Variants in DTWD2 observed in about 807,000 individuals in gnomAD.
DTWD2 encodes the protein DTW motif tRNA-uridine aminocarboxypropyltransferase 2.
In DTWD2, 39 loss-of-function variants were observed where a neutral mutation model predicts 31.8. That is an observed-to-expected ratio of 1.22 (90% CI 0.95 to 1.60). The LOEUF (loss-of-function observed/expected upper bound fraction) is 1.60, where lower values mean the gene tolerates loss of function less well. Among genes scored for constraint, DTWD2 ranks in the 40% most tolerant of loss-of-function variants. DTWD2 has a pLI of 0.00. For synonymous variants in DTWD2, 180 were observed against 142.8 expected (o/e 1.26, Z -1.86); for missense variants, 515 against 381.5 (o/e 1.35, Z -2.92).
intron 1 of DTWD2, among the ~76,000 whole-genome samples, chr5:118,970,749 G>A (rs879973445): frequency 6.6e-6 from 1 of 152,160 alleles, no homozygotes; most frequent in Non-Finnish European, 1.5e-5. Context: ...AGAAACGCCA[G>A]GTAACCTACA....
In DTWD2 at chr5:118,944,630, AAC is replaced by A. The variant is rs769885538; in HGVS notation, c.236_237del (p.Cys79PhefsTer45). 2.5e-6 allele frequency: 4 copies of A among 1,613,502 alleles called. No homozygotes were observed. The highest frequency in any genetic ancestry group is 4.5e-5 in the East Asian group (2 of 44,798). Reference sequence around the variant, plus strand: ...GGGTGCGCTGGGAGAAATGGACACAAACACACTTTCTGAGGCCGGCTAAAGGG... The same window carrying A: ...GGGTGCGCTGGGAGAAATGGACACAAACACTTTCTGAGGCCGGCTAAAGGG... ...CTRCSRPQKV[C>X]LCPFLPAHPL... On this transcript the variant is annotated frameshift_variant, in exon 2 of 6. Transcript: ENST00000510708. LOFTEE classifies it high-confidence loss of function.
At chr5:118,898,450 G>C (rs1398959542) in intron 4 of DTWD2, among the ~76,000 whole-genome samples, 1 of 151,558 alleles carries the variant, frequency 6.6e-6, no homozygotes, top group Admixed American at 6.6e-5. Flanking sequence ...TTGAGGTTGG[G>C]AGTTCAAGAC....
intron 4 of DTWD2, among the ~76,000 whole-genome samples, chr5:118,893,935 A>G (rs575556831): frequency 5.9e-5 from 9 of 152,104 alleles, no homozygotes; most frequent in African/African-American, 2.2e-4. Flanking sequence ...TCCATAAAGG[A>G]GCACCGTTGG....
At chr5:118,842,621 T>C (rs2112667016) in intron 5 of DTWD2, among the ~76,000 whole-genome samples, 2 of 152,200 alleles carry the variant, frequency 1.3e-5, no homozygotes, top group Middle Eastern at 6.8e-3. Flanking sequence ...CAGTAAGGGC[T>C]CTCTTACATG....
intron 4 of DTWD2, among the ~76,000 whole-genome samples, chr5:118,907,864 G>A (rs1427991340): frequency 1.3e-5 from 2 of 152,112 alleles, no homozygotes; most frequent in South Asian, 2.1e-4. Flanking sequence ...TCAACTGACT[G>A]GATAAAGCCC....
At chr5:118,981,469 G>T (rs775811353) in intron 1 of DTWD2, among the ~76,000 whole-genome samples, 2 of 151,982 alleles carry the variant, frequency 1.3e-5, no homozygotes, top group Admixed American at 6.6e-5. Flanking sequence ...AAGGTCAACA[G>T]GCTCAATACA....
chr5:118,950,368 C>G (rs1259003466), intron 1 of DTWD2, among the ~76,000 whole-genome samples: 4 of 151,946 alleles, frequency 2.6e-5, no homozygotes, highest in African/African-American at 9.7e-5. Flanking sequence ...AGTGGGTAGT[C>G]TCTGTATTGA....
chr5:118,973,416 T>C (rs1190999420), intron 1 of DTWD2, among the ~76,000 whole-genome samples: 1 of 152,216 alleles, frequency 6.6e-6, no homozygotes, highest in East Asian at 1.9e-4. Flanking sequence ...CCGTATTTAG[T>C]GCTTCCTTGA....
At position 118,838,059 on chromosome 5, in the gene DTWD2, A is replaced by AAT. The variant is rs1209528646; in HGVS notation, c.*2856_*2857dup. Reference sequence around the variant, plus strand: ...AAGTTAGAGAAAATAATTTTTTCCCAATATAATTCTCCTATTCCACATAAG... The same window carrying AAT: ...AAGTTAGAGAAAATAATTTTTTCCCAATATATAATTCTCCTATTCCACATAAG... On this transcript the variant is annotated 3_prime_UTR_variant, in exon 6 of 6. Coordinates refer to ENST00000510708, the MANE Select transcript of DTWD2 (RefSeq NM_173666.4). 1 of 152,200 alleles carries AAT rather than the reference A, an allele frequency of 6.6e-6. No individual in the cohort carries two copies. Among genetic ancestry groups the AAT allele is most frequent in the Non-Finnish European group, 1.5e-5 (1 of 68,032 alleles). The allele number at this position is 152,200 out of a possible 1,614,324, so 9.4% of individuals were successfully genotyped here.
chr5:118,842,334 G>T (rs1290145878), intron 5 of DTWD2, among the ~76,000 whole-genome samples: 1 of 152,098 alleles, frequency 6.6e-6, no homozygotes, highest in South Asian at 2.1e-4. Flanking sequence ...CTTGGATGGG[G>T]CTTCTAGAGA....
intron 1 of DTWD2, among the ~76,000 whole-genome samples, chr5:118,945,774 AAAAGAAAGAAAGAAAGAAAGAAAG>A (rs56103316): frequency 1.5e-5 from 2 of 134,260 alleles, no homozygotes; most frequent in African/African-American, 5.7e-5. Flanking sequence ...CAAAAAAAAA[AAAAGAAAGAAAGAAAGAAAGAAAG>A]AAAGAAAGAA....
intron 3 of DTWD2, among the ~76,000 whole-genome samples, chr5:118,931,142 C>T (rs897583193): frequency 6.6e-6 from 1 of 151,952 alleles, no homozygotes; most frequent in Non-Finnish European, 1.5e-5. Flanking sequence ...CCTGTAATCC[C>T]AGCACTTTGG....
At chr5:118,858,512 C>G (rs1388816718) in intron 4 of DTWD2, among the ~76,000 whole-genome samples, 1 of 152,102 alleles carries the variant, frequency 6.6e-6, no homozygotes, top group Non-Finnish European at 1.5e-5. Context: ...CTCTTAAAAA[C>G]TTTGTATTAC....
chr5:118,946,009 A>C (rs774980144), intron 1 of DTWD2, among the ~76,000 whole-genome samples: 6 of 152,230 alleles, frequency 3.9e-5, no homozygotes, highest in Non-Finnish European at 8.8e-5. Context: ...GAGATTAAGA[A>C]ATGCTTATTA....
At chr5:118,981,949 T>C (rs921854596) in intron 1 of DTWD2, among the ~76,000 whole-genome samples, 1 of 152,192 alleles carries the variant, frequency 6.6e-6, no homozygotes, top group African/African-American at 2.4e-5. Context: ...TTCATTATTA[T>C]GTGGTGTAGC....
intron 4 of DTWD2, among the ~76,000 whole-genome samples, chr5:118,890,656 C>T (rs1048034254): frequency 4.0e-5 from 6 of 149,676 alleles, no homozygotes; most frequent in African/African-American, 9.8e-5. Context: ...CTGCAACCTC[C>T]GCCTCCCAGG....
intron 1 of DTWD2, among the ~76,000 whole-genome samples, chr5:118,982,507 T>G (rs1363050778): frequency 6.6e-6 from 1 of 152,094 alleles, no homozygotes; most frequent in Non-Finnish European, 1.5e-5. Flanking sequence ...ATGAATAAAC[T>G]ATTTCAAAGA....
chr5:118,863,636 T>A (rs564834246), intron 4 of DTWD2, among the ~76,000 whole-genome samples: 7 of 152,172 alleles, frequency 4.6e-5, no homozygotes, highest in African/African-American at 1.4e-4. Flanking sequence ...CAAAAAGGTT[T>A]TGAGTCATTG....
chr5:118,969,669 A>G (rs991807417), intron 1 of DTWD2, among the ~76,000 whole-genome samples: 3 of 152,156 alleles, frequency 2.0e-5, no homozygotes, highest in Non-Finnish European at 4.4e-5. Flanking sequence ...AGATCCCACA[A>G]AAACACCATT....
Sources: allele counts gnomAD v4.1 joint callset (sites outside exome capture counted in the v4.1 genomes callset), GRCh38; gene constraint gnomAD v4.1.1; transcripts MANE v1.5; gene names NCBI Gene and HGNC (gene_info 2026-07-23, HGNC 2026-07-21).